The following SFMBT1 variants were observed in gnomAD, a reference collection of about 807,000 sequenced individuals.
SFMBT1 encodes scm-like with four MBT domains protein 1.
Under a neutral mutation model 108.7 loss-of-function variants are expected in SFMBT1, and 32 were observed. The ratio of observed to expected loss-of-function variants is 0.29; its 90% CI spans 0.22 to 0.40. SFMBT1 has a LOEUF of 0.40. Among genes scored for constraint, SFMBT1 ranks in the 10% least tolerant of loss-of-function variants. The pLI is 1.00. For synonymous variants in SFMBT1, 348 were observed against 369.5 expected (o/e 0.94, Z 0.67); for missense variants, 816 against 1,059.6 (o/e 0.77, Z 3.19).
chr3:52,931,695 C>T (rs931580826), intron 6 of SFMBT1, among the ~76,000 whole-genome samples: 2 of 151,986 alleles, frequency 1.3e-5, no homozygotes, highest in Non-Finnish European at 2.9e-5. Context: ...CAAAAATTAG[C>T]CGGGTGTGGT....
chr3:52,966,819 G>C (rs1017145458), intron 2 of SFMBT1, among the ~76,000 whole-genome samples: 2 of 151,576 alleles, frequency 1.3e-5, no homozygotes, highest in Admixed American at 1.3e-4. Context: ...AAAATGTTAA[G>C]CATGTCTGAT....
At chr3:52,928,061 A>C (rs1702712297) in intron 9 of SFMBT1, 130 bp downstream of exon 9, 15 of 1,167,038 alleles carry the variant, frequency 1.3e-5, no homozygotes, top group Non-Finnish European at 1.7e-5. Context: ...TACTTTTCTC[A>C]GACCCCAAAA....
intron 1 of SFMBT1, among the ~76,000 whole-genome samples, chr3:53,008,188 T>C (rs1250181643): frequency 6.6e-6 from 1 of 152,144 alleles, no homozygotes. Context: ...AATGTGTCAA[T>C]GTTAATTTCC....
At position 52,906,173 on chromosome 3, in the gene SFMBT1, G is replaced by A. The variant is rs146806928; in HGVS notation, c.2400C>T (p.Asp800=). ...DSNPLKWSVA[D]VVRFIRSTDC... Reference sequence around the variant, plus strand: ...CAGTGGATCTGATGAACCGCACAACGTCTGCCACACTCCACTTCAAGGGGT... The same window carrying A: ...CAGTGGATCTGATGAACCGCACAACATCTGCCACACTCCACTTCAAGGGGT... The change falls in exon 20 of 21, where the codon GAC becomes GAT. Residue 800 remains aspartate, a synonymous_variant. Coordinates refer to ENST00000394752, the MANE Select transcript of SFMBT1 (RefSeq NM_016329.4). The A allele has an allele frequency of 7.3e-5, 118 of 1,614,106 alleles. No individual in the cohort carries two copies. In the African/African-American group the frequency reaches 8.8e-4, roughly 12 times the overall value.
In SFMBT1 at chr3:52,932,276, A is replaced by T; in HGVS notation, c.486T>A (p.Ile162=). The change falls in exon 6 of 21, where the codon ATT becomes ATA. Residue 162 remains isoleucine (I), a synonymous_variant. Coordinates refer to ENST00000394752, the MANE Select transcript of SFMBT1 (RefSeq NM_016329.4). ...GACATTCTAGTCTGGATCCTGGAGCAATGAGATCTAAAGGATTCCTCCCAT... is the reference window on the plus strand; with the variant it reads ...GACATTCTAGTCTGGATCCTGGAGCTATGAGATCTAAAGGATTCCTCCCAT... ...LRNGRNPLDL[I]APGSRLECQA... is the part of the protein sequence containing the mutation. 6.2e-7 allele frequency: 1 copy of T among 1,614,234 alleles called. No homozygotes were observed. The highest frequency in any genetic ancestry group is 8.5e-7 in the Non-Finnish European group (1 of 1,180,032).
chr3:53,003,189 T>C (rs1347993766), intron 1 of SFMBT1, among the ~76,000 whole-genome samples: 1 of 149,200 alleles, frequency 6.7e-6, no homozygotes, highest in Non-Finnish European at 1.5e-5. Context: ...TTATTCTTTT[T>C]ATATTCCAAT....
intron 12 of SFMBT1, 135 bp from the exon 13 acceptor site, chr3:52,918,661 A>G (rs945511236): frequency 2.0e-4 from 63 of 310,224 alleles, no homozygotes; most frequent in Admixed American, 1.1e-3. Flanking sequence ...GTGTGTGTGT[A>G]TATATATATA....
chr3:52,938,506 G>C (rs1342710345), intron 4 of SFMBT1, among the ~76,000 whole-genome samples: 1 of 151,808 alleles, frequency 6.6e-6, no homozygotes, highest in Admixed American at 6.6e-5. Flanking sequence ...CTATTTTGTT[G>C]TTGTTGTTTC....
At chr3:52,918,413 T>C in intron 13 of SFMBT1, 71 bp downstream of exon 13, 1 of 1,214,278 alleles carries the variant, frequency 8.2e-7, no homozygotes, top group South Asian at 1.5e-5. Flanking sequence ...AATGAGGAAA[T>C]ATACCCTCTG....
In SFMBT1 at chr3:52,907,240, C is replaced by A; in HGVS notation, c.2160G>T (p.Glu720Asp). 1.2e-6 allele frequency: 2 copies of A among 1,614,074 alleles called. No individual in the cohort carries two copies. Among genetic ancestry groups the A allele is most frequent in the Non-Finnish European group, 1.7e-6 (2 of 1,180,030 alleles). Residue 720 changes from glutamate to aspartate, a missense_variant, in exon 19 of 21, where the codon GAG becomes GAT. Glu to Asp is a conservative substitution (Grantham distance 45). Around this residue, in one of 5 missense-constraint regions of SFMBT1, gnomAD observed 177 missense variants for 182.0 expected, o/e 0.97. Transcript: ENST00000394752. ...ATTCTTCCTGTAGCTCATCCTGCTG[C>A]TCGGATGTACTGCCTTCACTTAGGG... is the stretch of plus-strand genomic sequence containing the variant. ...DDSLSEGSTS[E>D]QQDELQEESE...
intron 3 of SFMBT1, among the ~76,000 whole-genome samples, chr3:52,952,610 A>C (rs1178300060): frequency 4.6e-5 from 7 of 152,216 alleles, no homozygotes; most frequent in Non-Finnish European, 1.0e-4. Context: ...CAGGGGATTC[A>C]GAATCTGGTG....
intron 2 of SFMBT1, among the ~76,000 whole-genome samples, chr3:52,966,212 G>A (rs1704137266): frequency 2.0e-5 from 3 of 149,400 alleles, no homozygotes; most frequent in African/African-American, 7.4e-5. Context: ...AGCTACTCGG[G>A]AGGCTGAGGC....
chr3:52,937,646 G>A (rs1467569667), intron 4 of SFMBT1, among the ~76,000 whole-genome samples: 3 of 151,124 alleles, frequency 2.0e-5, no homozygotes, highest in East Asian at 1.9e-4. Flanking sequence ...GCAGTGGCAC[G>A]ATCTCAGCTC....
intron 1 of SFMBT1, among the ~76,000 whole-genome samples, chr3:52,985,880 C>T (rs532032339): frequency 2.4e-4 from 37 of 152,208 alleles, no homozygotes; most frequent in African/African-American, 7.0e-4. Context: ...AGGTGGCTCA[C>T]GCCTGTAATC....
At chr3:52,952,590 A>T (rs1159338542) in intron 3 of SFMBT1, among the ~76,000 whole-genome samples, 2 of 152,176 alleles carry the variant, frequency 1.3e-5, no homozygotes, top group Non-Finnish European at 2.9e-5. Flanking sequence ...AAAGTCCAAG[A>T]TGAAGGCCCC....
chr3:53,040,968 A>ATTTTTTTTTTTTTTTTTTTTTTTTT (rs57640588), intron 1 of SFMBT1, among the ~76,000 whole-genome samples: 7 of 46,382 alleles, frequency 1.5e-4, no homozygotes, highest in South Asian at 9.4e-4. Context: ...AGACACCTGA[A>ATTTTTTTTTTTTTTTTTTTTTTTTT]TTTTTTTTTT....
chr3:53,026,646 G>A (rs1447043270), intron 1 of SFMBT1, among the ~76,000 whole-genome samples: 2 of 152,146 alleles, frequency 1.3e-5, no homozygotes, highest in African/African-American at 2.4e-5. Context: ...GGTCCCTGTG[G>A]GGCTGCCTAC....
chr3:53,017,314 T>C (rs149839478), intron 1 of SFMBT1, among the ~76,000 whole-genome samples: 1 of 152,226 alleles, frequency 6.6e-6, no homozygotes, highest in Non-Finnish European at 1.5e-5. Context: ...TTTGAGGATG[T>C]TGCAGTCACT....
At chr3:53,029,122 G>A (rs913630345) in intron 1 of SFMBT1, among the ~76,000 whole-genome samples, 4 of 143,262 alleles carry the variant, frequency 2.8e-5, no homozygotes, top group Non-Finnish European at 4.5e-5. Flanking sequence ...GCAGTGAGCC[G>A]AGATGCACCA....
Sources: allele counts gnomAD v4.1 joint callset (sites outside exome capture counted in the v4.1 genomes callset), GRCh38; gene constraint gnomAD v4.1.1; regional missense constraint gnomAD v4.1.1; transcripts MANE v1.5; gene names NCBI Gene and HGNC (gene_info 2026-07-23, HGNC 2026-07-21).